Variants in EEA1 observed in about 807,000 individuals in gnomAD.
EEA1 encodes the protein early endosome antigen 1, 162kD.
In EEA1, 111 loss-of-function variants were observed where a neutral mutation model predicts 209.2. The ratio of observed to expected loss-of-function variants is 0.53; its 90% CI spans 0.45 to 0.62. The LOEUF (loss-of-function observed/expected upper bound fraction) is 0.62. Ranked by LOEUF, EEA1 falls within the 20% of genes least tolerant of loss-of-function variation. The probability of loss-of-function intolerance (pLI) is 0.00; values close to 1 mark genes in which losing one functional copy is unlikely to be tolerated. For synonymous variants in EEA1, 536 were observed against 540.6 expected (o/e 0.99, Z 0.12); for missense variants, 1,343 against 1,530.8 (o/e 0.88, Z 2.05).
chr12:92,778,439 T>C (rs1363065313), intron 25 of EEA1, among the ~76,000 whole-genome samples: 2 of 152,034 alleles, frequency 1.3e-5, no homozygotes, highest in Admixed American at 6.6e-5. Context: ...ATCTTTCTTC[T>C]TCTCCACCAG....
At chr12:92,917,191 C>A (rs1880799339) in intron 1 of EEA1, among the ~76,000 whole-genome samples, 1 of 136,952 alleles carries the variant, frequency 7.3e-6, no homozygotes, top group Admixed American at 7.2e-5. Context: ...TCCAGGAGAA[C>A]TTCCCCAATC....
intron 14 of EEA1, among the ~76,000 whole-genome samples, chr12:92,817,360 T>C (rs1322933035): frequency 6.7e-6 from 1 of 148,162 alleles, no homozygotes; most frequent in Admixed American, 6.7e-5. Flanking sequence ...ATTATTTTTA[T>C]TTTTTTTTTA....
Position 92,775,393 on chromosome 12 carries a change from A to C in EEA1, c.*618T>G, listed in dbSNP as rs984393567. 4.6e-5 allele frequency: 7 copies of C among 151,864 alleles called. No homozygotes were observed. The highest frequency in any genetic ancestry group is 1.7e-4 in the African/African-American group (7 of 41,428). 9.4% of individuals were successfully genotyped at this position (151,864 alleles called of 1,614,324 possible). On this transcript the variant is annotated 3_prime_UTR_variant, in exon 29 of 29. Coordinates refer to ENST00000322349, the MANE Select transcript of EEA1 (RefSeq NM_003566.4). ...AGAAAATTTAATTAATATTGTTAAA[A>C]CAAAAACCATTTTTGAATTCATATT...
At chr12:92,817,013 T>G (rs1454838760) in intron 14 of EEA1, among the ~76,000 whole-genome samples, 1 of 151,334 alleles carries the variant, frequency 6.6e-6, no homozygotes, top group Non-Finnish European at 1.5e-5. Context: ...TTCACCAAGC[T>G]TTTTGACCAT....
At chr12:92,788,341 A>C (rs1288611657) in intron 21 of EEA1, among the ~76,000 whole-genome samples, 1 of 152,024 alleles carries the variant, frequency 6.6e-6, no homozygotes, top group African/African-American at 2.4e-5. Flanking sequence ...TAACAACTAC[A>C]TTCTGAGGGA....
At position 92,772,129 on chromosome 12, in the gene EEA1, C is replaced by CA. The variant is rs1014914003; in HGVS notation, c.*3881dup. 1.8e-4 allele frequency: 27 copies of CA among 151,300 alleles called. No homozygotes were observed. The highest frequency in any genetic ancestry group is 6.3e-4 in the African/African-American group (26 of 41,228). 9.4% of individuals were successfully genotyped at this position (151,300 alleles called of 1,614,324 possible). On this transcript the variant is annotated 3_prime_UTR_variant, in exon 29 of 29. Transcript: ENST00000322349. Reference sequence around the variant, plus strand: ...AAAAACAATGGCACATTGGGCCTTCCAAAAAGTATCTTTGGGGAGGGGAGG... The same window carrying CA: ...AAAAACAATGGCACATTGGGCCTTCCAAAAAAGTATCTTTGGGGAGGGGAGG...
chr12:92,896,755 C>T (rs1021638017), intron 1 of EEA1, among the ~76,000 whole-genome samples: 3 of 151,238 alleles, frequency 2.0e-5, no homozygotes, highest in East Asian at 1.9e-4. Flanking sequence ...GAGCCAAGAT[C>T]GCACCACTGA....
intron 10 of EEA1, among the ~76,000 whole-genome samples, chr12:92,837,076 G>A (rs1282314736): frequency 6.7e-6 from 1 of 148,332 alleles, no homozygotes; most frequent in East Asian, 2.0e-4. Flanking sequence ...AGCTGAGATC[G>A]CACCACTGCA....
chr12:92,914,060 C>A (rs558632865), intron 1 of EEA1, among the ~76,000 whole-genome samples: 27 of 152,256 alleles, frequency 1.8e-4, no homozygotes, highest in African/African-American at 6.5e-4. Flanking sequence ...GGCTAATTTT[C>A]TATTTATTGA....
chr12:92,826,138 C>T (rs759350901), intron 13 of EEA1, 28 bp downstream of exon 13: 8 of 1,606,850 alleles, frequency 5.0e-6, no homozygotes, highest in Non-Finnish European at 6.8e-6. Flanking sequence ...TTTGTGTTTA[C>T]AAGGCTAATA....
rs1223137270 is a variant in EEA1, at chr12:92,777,460, AT to A, written c.4014+82del. The A allele has an allele frequency of 2.8e-6, 4 of 1,427,544 alleles. No individual in the cohort carries two copies. In the Admixed American group the frequency reaches 6.8e-5, roughly 24 times the overall value. 88.4% of individuals were successfully genotyped at this position (1,427,544 alleles called of 1,614,324 possible). A position where few individuals can be genotyped will look rare whatever the true frequency, so the allele number is the denominator to read the frequency against. ...TTTGAAAGTATTTATAAAACATGAG[AT>A]TTTTTAAAAGGTAAAAATATGCTTT... On this transcript the variant is annotated intron_variant, in intron 27 of 28. Transcript: ENST00000322349.
At position 92,770,733 on chromosome 12, in the gene EEA1, G is replaced by C. The variant is rs1873389209; in HGVS notation, c.*5278C>G. ...AAATAGGGACTACATTTAAGTAGCAGTTTTAAAATTCCTATTCTCAAACTC... is the reference window on the plus strand; with the variant it reads ...AAATAGGGACTACATTTAAGTAGCACTTTTAAAATTCCTATTCTCAAACTC... On this transcript the variant is annotated 3_prime_UTR_variant, in exon 29 of 29. Coordinates refer to ENST00000322349, the MANE Select transcript of EEA1 (RefSeq NM_003566.4). 6.6e-6 allele frequency: 1 copy of C among 152,084 alleles called. No individual in the cohort carries two copies. Among genetic ancestry groups the C allele is most frequent in the Non-Finnish European group, 1.5e-5 (1 of 68,022 alleles). The allele number at this position is 152,084 out of a possible 1,614,324, so 9.4% of individuals were successfully genotyped here.
intron 13 of EEA1, among the ~76,000 whole-genome samples, chr12:92,821,943 C>T (rs928320125): frequency 2.0e-5 from 3 of 150,220 alleles, no homozygotes; most frequent in African/African-American, 7.3e-5. Flanking sequence ...TTTTCTAATG[C>T]TCTAAACTCA....
At chr12:92,882,869 G>A (rs1158953956) in intron 2 of EEA1, among the ~76,000 whole-genome samples, 2 of 152,136 alleles carry the variant, frequency 1.3e-5, no homozygotes, top group African/African-American at 4.8e-5. Context: ...TGTGAATAGT[G>A]CTGTAATGAA....
intron 1 of EEA1, among the ~76,000 whole-genome samples, chr12:92,914,727 G>A (rs1179055664): frequency 6.6e-6 from 1 of 150,514 alleles, no homozygotes; most frequent in Admixed American, 6.6e-5. Context: ...GCAGTGATGT[G>A]AGCTCAGCTC....
chr12:92,811,564 T>A, intron 16 of EEA1, 130 bp from the exon 17 acceptor site: 2 of 539,428 alleles, frequency 3.7e-6, no homozygotes, highest in East Asian at 3.5e-5. Flanking sequence ...CAGATAAATC[T>A]AATGATATAT....
In EEA1 at chr12:92,842,493, G is replaced by T; in HGVS notation, c.887C>A (p.Ser296Ter). The T allele has an allele frequency of 6.2e-7, 1 of 1,602,364 alleles. No homozygotes were observed. The highest frequency in any genetic ancestry group is 1.1e-5 in the South Asian group (1 of 89,158). The part of the protein sequence containing the change: ...YVQELQKLKS[S>*]VNELTQKNQT... ...ATTTTTTTGTGTTAATTCATTAACT[G>T]AACTTTTCAGTTTTTGTAGTTCCTG... Residue 296 changes from serine (S) to a stop codon, truncating the protein, a stop_gained, in exon 10 of 29, where the codon TCA (serine) becomes TAA (stop). Transcript: ENST00000322349. LOFTEE classifies it high-confidence loss of function.
intron 3 of EEA1, 47 bp downstream of exon 3, chr12:92,864,813 C>T: frequency 1.4e-6 from 2 of 1,449,390 alleles, no homozygotes; most frequent in Non-Finnish European, 9.1e-7. Context: ...ACGACGATAC[C>T]ACATGCATAT....
At chr12:92,881,529 A>G (rs956837364) in intron 2 of EEA1, among the ~76,000 whole-genome samples, 5 of 152,222 alleles carry the variant, frequency 3.3e-5, no homozygotes, top group African/African-American at 1.2e-4. Context: ...GAAAAACACC[A>G]GAAGAGAGGT....
Sources: allele counts gnomAD v4.1 joint callset (sites outside exome capture counted in the v4.1 genomes callset), GRCh38; gene constraint gnomAD v4.1.1; transcripts MANE v1.5; gene names NCBI Gene and HGNC (gene_info 2026-07-23, HGNC 2026-07-21).